The following RB1CC1 variants were observed in gnomAD, a reference collection of about 807,000 sequenced individuals.
RB1CC1 encodes the protein RB1-inducible coiled-coil protein 1.
A neutral mutation model predicts 177.5 loss-of-function variants in RB1CC1; 46 were observed. The observed-to-expected ratio is 0.26, with a 90% CI of 0.20 to 0.33. The LOEUF (loss-of-function observed/expected upper bound fraction) is 0.33. Ranked by LOEUF, RB1CC1 falls within the 10% of genes least tolerant of loss-of-function variation. The pLI is 1.00. For missense variants in RB1CC1, 1,703 were observed against 1,816.3 expected (o/e 0.94, Z 1.13); for synonymous variants, 666 against 613.6 (o/e 1.09, Z -1.26).
In RB1CC1 at chr8:52,665,126, T is replaced by A. The variant is rs181529181; in HGVS notation, c.1173+2895A>T. ...GTTCATAAAATTTAATATGAATAAA[T>A]ATACGAATGAATTTGACTGCATCAA... On this transcript the variant is annotated intron_variant, in intron 8 of 23. Transcript: ENST00000025008. Among the ~76,000 whole-genome samples, 900 of 152,242 alleles carry A rather than the reference T, an allele frequency of 5.9e-3. 11 individuals carry two copies. Among genetic ancestry groups the A allele is most frequent in the African/African-American group, 0.021 (853 of 41,550 alleles).
At chr8:52,685,774 A>G (rs574488915) in intron 2 of RB1CC1, among the ~76,000 whole-genome samples, 1 of 152,340 alleles carries the variant, frequency 6.6e-6, no homozygotes, top group East Asian at 1.9e-4. Context: ...TTCTTCAAGA[A>G]GTAAAAGGCC....
chr8:52,653,479 G>C (rs551615033), intron 15 of RB1CC1, among the ~76,000 whole-genome samples: 57 of 152,252 alleles, frequency 3.7e-4, no homozygotes, highest in African/African-American at 1.3e-3. Context: ...TACTAAAACT[G>C]TAAAAACAAG....
At chr8:52,639,257 C>T (rs967929885) in intron 18 of RB1CC1, among the ~76,000 whole-genome samples, 4 of 152,036 alleles carry the variant, frequency 2.6e-5, no homozygotes, top group East Asian at 1.9e-4. Context: ...CGAAGTCTTG[C>T]GCATTTTTGT....
At chr8:52,707,441 T>TTC (rs1465686723) in intron 1 of RB1CC1, among the ~76,000 whole-genome samples, 1 of 150,284 alleles carries the variant, frequency 6.7e-6, no homozygotes, top group East Asian at 1.9e-4. Context: ...TCTTTTTTTT[T>TTC]TTTTTTTTTT....
rs1338358424 is a variant in RB1CC1, at chr8:52,657,734, T to C, written c.2095A>G (p.Thr699Ala). The C allele has an allele frequency of 1.2e-6, 2 of 1,614,066 alleles. No homozygotes were observed. The highest frequency in any genetic ancestry group is 2.2e-5 in the East Asian group (1 of 44,850). ...ELSPDSIDAHTFDFETIPHPN... is the reference protein window; with the variant it reads ...ELSPDSIDAHAFDFETIPHPN... ...TGGGGAATAGTTTCAAAATCAAACGTATGTGCATCAATACTATCTGGAGAT... is the reference window on the plus strand; with the variant it reads ...TGGGGAATAGTTTCAAAATCAAACGCATGTGCATCAATACTATCTGGAGAT... The change falls in exon 15 of 24, where the codon ACG becomes GCG. Residue 699 changes from threonine (T) to alanine (A), a missense_variant. Physicochemically the swap from Thr to Ala is moderately conservative, Grantham distance 58. This residue lies in a region of RB1CC1 where 1,169 missense variants were observed against 1,184.7 expected (regional missense o/e 0.99). Transcript: ENST00000025008.
At chr8:52,697,253 A>G (rs1855500608) in intron 1 of RB1CC1, among the ~76,000 whole-genome samples, 1 of 151,452 alleles carries the variant, frequency 6.6e-6, no homozygotes, top group Non-Finnish European at 1.5e-5. Context: ...CAGAATAAGC[A>G]TTCCACAGAA....
At chr8:52,695,411 T>C (rs1247758343) in intron 1 of RB1CC1, among the ~76,000 whole-genome samples, 2 of 152,246 alleles carry the variant, frequency 1.3e-5, no homozygotes, top group East Asian at 1.9e-4. Context: ...AGGTGATCTC[T>C]AGGCCCCTGT....
At chr8:52,635,385 T>C (rs545781815) in intron 19 of RB1CC1, among the ~76,000 whole-genome samples, 1 of 152,222 alleles carries the variant, frequency 6.6e-6, no homozygotes, top group Admixed American at 6.5e-5. Flanking sequence ...TCAAATGAAG[T>C]TGTACAATTC....
Position 52,688,015 on chromosome 8 carries a change from A to G in RB1CC1, c.-166-1048T>C, listed in dbSNP as rs895773486. Among the ~76,000 whole-genome samples the G allele has an allele frequency of 2.0e-5, 3 of 152,318 alleles. No homozygotes were observed. The South Asian group carries it at 6.2e-4, about 32-fold the overall frequency. On this transcript the variant is annotated intron_variant, in intron 1 of 23. Coordinates refer to ENST00000025008, the MANE Select transcript of RB1CC1 (RefSeq NM_014781.5). Reference sequence around the variant, plus strand: ...ATGGACATTTATCAGTTGCCAAATAATACTTTTATAATTTCTTATGCCTGT... The same window carrying G: ...ATGGACATTTATCAGTTGCCAAATAGTACTTTTATAATTTCTTATGCCTGT...
At chr8:52,655,291 T>C (rs377470134) in intron 15 of RB1CC1, among the ~76,000 whole-genome samples, 1 of 152,134 alleles carries the variant, frequency 6.6e-6, no homozygotes, top group African/African-American at 2.4e-5. Flanking sequence ...TATATATGTA[T>C]TCACTTGGAG....
chr8:52,684,085 T>C lies in RB1CC1; in HGVS notation c.72-72A>G, dbSNP rs554374043. ...TGACTTTATTTTCCAAGTAGTACTA[T>C]GTAAAAACACCTTAGAGGTTAATGA... On this transcript the variant is annotated intron_variant, in intron 3 of 23. Coordinates refer to ENST00000025008, the MANE Select transcript of RB1CC1 (RefSeq NM_014781.5). 18 of 1,489,184 alleles carry C rather than the reference T, an allele frequency of 1.2e-5. No homozygotes were observed. In the East Asian group the frequency reaches 3.4e-4, roughly 28 times the overall value. The allele number at this position is 1,489,184 out of a possible 1,614,324, so 92.2% of individuals were successfully genotyped here.
chr8:52,656,401 C>A lies in RB1CC1; in HGVS notation c.3428G>T (p.Arg1143Ile), dbSNP rs1299945905. ...AAGTATATTAGATTCTTCTTCATGT[C>A]TACTAATTAACTCGGAAATACACTG... ...KDQCISELIS[R>I]HEEESNILKA... Residue 1143 changes from arginine to isoleucine, a missense_variant, in exon 15 of 24, where the codon AGA becomes ATA. Arg to Ile is a moderately conservative substitution (Grantham distance 97). Transcript: ENST00000025008. The A allele has an allele frequency of 1.2e-6, 2 of 1,611,144 alleles. No individual in the cohort carries two copies. Among genetic ancestry groups the A allele is most frequent in the Non-Finnish European group, 1.7e-6 (2 of 1,179,406 alleles).
chr8:52,632,232 C>T (rs753665424), intron 20 of RB1CC1, among the ~76,000 whole-genome samples: 7 of 152,118 alleles, frequency 4.6e-5, no homozygotes, highest in Non-Finnish European at 1.0e-4. Context: ...GATAAAAACA[C>T]CTATTTTTCC....
In RB1CC1 at chr8:52,656,180, G is replaced by T. The variant is rs1240494789; in HGVS notation, c.3649C>A (p.Gln1217Lys). 1 of 1,613,628 alleles carries T rather than the reference G, an allele frequency of 6.2e-7. No individual in the cohort carries two copies. Among genetic ancestry groups the T allele is most frequent in the Non-Finnish European group, 8.5e-7 (1 of 1,179,836 alleles). ...AIIQNLEKDR[Q>K]KLVSSQEQDR... is the part of the protein sequence containing the mutation. Reference sequence around the variant, plus strand: ...TGCTCCTGGCTGCTGACCAATTTTTGTCTGTCTTTCTCAAGGTTCTGGATA... The same window carrying T: ...TGCTCCTGGCTGCTGACCAATTTTTTTCTGTCTTTCTCAAGGTTCTGGATA... The change falls in exon 15 of 24, where the codon CAA (glutamine) becomes AAA (lysine). Residue 1217 changes from glutamine to lysine, a missense_variant. Physicochemically the swap from Gln to Lys is moderately conservative, Grantham distance 53. This residue lies in a region of RB1CC1 where 1,169 missense variants were observed against 1,184.7 expected (regional missense o/e 0.99). Coordinates refer to ENST00000025008, the MANE Select transcript of RB1CC1 (RefSeq NM_014781.5).
chr8:52,691,792 A>G (rs1368720667), intron 1 of RB1CC1, among the ~76,000 whole-genome samples: 2 of 152,228 alleles, frequency 1.3e-5, no homozygotes, highest in Non-Finnish European at 2.9e-5. Context: ...AACACAAGGC[A>G]TCATTTCCCA....
At chr8:52,666,518 CAA>C (rs1158339036) in intron 8 of RB1CC1, among the ~76,000 whole-genome samples, 17 of 131,008 alleles carry the variant, frequency 1.3e-4, no homozygotes, top group Admixed American at 2.3e-4. Context: ...AACTTCCTCT[CAA>C]AAAAAAAAAA....
At chr8:52,632,384 G>A (rs1189335688) in intron 20 of RB1CC1, among the ~76,000 whole-genome samples, 3 of 152,114 alleles carry the variant, frequency 2.0e-5, no homozygotes, top group African/African-American at 7.2e-5. Flanking sequence ...TTTAAAAAGA[G>A]AAATAACACA....
At chr8:52,633,257 C>A (rs1848890385) in intron 20 of RB1CC1, among the ~76,000 whole-genome samples, 1 of 152,184 alleles carries the variant, frequency 6.6e-6, no homozygotes, top group South Asian at 2.1e-4. Flanking sequence ...TTGATTGAGA[C>A]CTGTCTCAGA....
At chr8:52,676,822 C>G (rs538784752) in intron 5 of RB1CC1, among the ~76,000 whole-genome samples, 7 of 152,258 alleles carry the variant, frequency 4.6e-5, no homozygotes, top group African/African-American at 1.4e-4. Context: ...CTCTGAAAAA[C>G]AAAGGAGTAG....
Sources: allele counts gnomAD v4.1 joint callset (sites outside exome capture counted in the v4.1 genomes callset), GRCh38; gene constraint gnomAD v4.1.1; regional missense constraint gnomAD v4.1.1; transcripts MANE v1.5; gene names NCBI Gene and HGNC (gene_info 2026-07-23, HGNC 2026-07-21).